Variants in BST1 observed in about 807,000 individuals in gnomAD.
BST1 encodes ADP-ribosyl cyclase/cyclic ADP-ribose hydrolase 2.
Under a neutral mutation model 40.6 loss-of-function variants are expected in BST1, and 49 were observed. That is an observed-to-expected ratio of 1.21 (90% confidence interval 0.96 to 1.53). The LOEUF is 1.53. BST1 is among the 40% of genes most tolerant of loss of function. BST1 has a pLI of 0.00. For synonymous variants in BST1, 157 were observed against 159.3 expected (o/e 0.99, Z 0.11); for missense variants, 423 against 395.9 (o/e 1.07, Z -0.58).
the BST1 span, among the ~76,000 whole-genome samples, chr4:15,757,990 T>A: frequency 6.6e-5 from 10 of 152,176 alleles, no homozygotes; most frequent in Non-Finnish European, 5.9e-5. Flanking sequence ...CCCAATAACA[T>A]CAGCATTTTT....
chr4:15,714,987 G>T (rs561068346), intron 4 of BST1, among the ~76,000 whole-genome samples: 1 of 152,290 alleles, frequency 6.6e-6, no homozygotes, highest in South Asian at 2.1e-4. Context: ...CAGTTTCGAG[G>T]TTCTTTGCTA....
chr4:15,756,564 A>G, the BST1 span, among the ~76,000 whole-genome samples: 1 of 152,238 alleles, frequency 6.6e-6, no homozygotes, highest in Admixed American at 6.5e-5. Context: ...GTTGAGAAAC[A>G]TTTTGACATA....
At chr4:15,722,634 T>C (rs1417003329) in intron 7 of BST1, among the ~76,000 whole-genome samples, 1 of 149,348 alleles carries the variant, frequency 6.7e-6, no homozygotes. Context: ...GGTCTCGCTA[T>C]GTTGCCCAGG....
chr4:15,723,737 A>G (rs544635138), intron 8 of BST1: 15 of 598,718 alleles, frequency 2.5e-5, no homozygotes, highest in Non-Finnish European at 3.1e-5. Flanking sequence ...ATGTGTGTGT[A>G]TTTTAAATTT....
chr4:15,715,162 T>C, intron 4 of BST1, 123 bp from the exon 5 acceptor site: 2 of 891,042 alleles, frequency 2.2e-6, no homozygotes, highest in Non-Finnish European at 3.5e-6. Context: ...CTAAGCCATA[T>C]GAAATGCCAC....
At chr4:15,768,655 G>C in the BST1 span, among the ~76,000 whole-genome samples, 9 of 151,824 alleles carry the variant, frequency 5.9e-5, no homozygotes, top group Admixed American at 2.0e-4. Context: ...CACCGCGCCC[G>C]GCTAATTTTT....
At chr4:15,754,676 C>T in the BST1 span, among the ~76,000 whole-genome samples, 4 of 152,284 alleles carry the variant, frequency 2.6e-5, no homozygotes, top group East Asian at 1.9e-4. Flanking sequence ...TCTTTCCCAG[C>T]GGTCCATTTT....
chr4:15,746,648 C>G, the BST1 span, among the ~76,000 whole-genome samples: 224 of 152,296 alleles, frequency 1.5e-3, 2 homozygotes, highest in Non-Finnish European at 2.5e-3. Context: ...GTTACTGTGA[C>G]AATTGAATCT....
At chr4:15,769,552 A>G in the BST1 span, among the ~76,000 whole-genome samples, 2 of 152,108 alleles carry the variant, frequency 1.3e-5, no homozygotes, top group Non-Finnish European at 2.9e-5. Context: ...TCAAAGAGCT[A>G]GTGGGGGTGG....
intron 1 of BST1, among the ~76,000 whole-genome samples, chr4:15,704,328 A>G (rs1472849336): frequency 1.8e-5 from 2 of 113,636 alleles, no homozygotes; most frequent in South Asian, 3.0e-4. Flanking sequence ...TAGAGGTGAG[A>G]TGTGTGTGTT....
chr4:15,706,910 T>C (rs1227414169), intron 2 of BST1, among the ~76,000 whole-genome samples: 1 of 152,240 alleles, frequency 6.6e-6, no homozygotes, highest in Non-Finnish European at 1.5e-5. Context: ...GGGGACCTTC[T>C]AGTCTAAATA....
chr4:15,740,003 G>T (rs1457763418), downstream of BST1, among the ~76,000 whole-genome samples: 1 of 152,168 alleles, frequency 6.6e-6, no homozygotes, highest in East Asian at 1.9e-4. Flanking sequence ...GATAAGGATA[G>T]AGAGAGACAG....
intron 6 of BST1, among the ~76,000 whole-genome samples, chr4:15,716,668 T>C (rs934004596): frequency 3.9e-5 from 6 of 152,260 alleles, no homozygotes; most frequent in Non-Finnish European, 1.5e-5. Context: ...ACGTAAGTTA[T>C]ACCAAGATCT....
chr4:15,737,483 C>T (rs1249139799), downstream of BST1, among the ~76,000 whole-genome samples: 1 of 152,186 alleles, frequency 6.6e-6, no homozygotes, highest in Non-Finnish European at 1.5e-5. Context: ...CAGCAGGGAG[C>T]CCTGGCAAAA....
At chr4:15,738,632 A>T (rs1393618190), downstream of BST1, among the ~76,000 whole-genome samples, 1 of 152,274 alleles carries the variant, frequency 6.6e-6, no homozygotes, top group Non-Finnish European at 1.5e-5. Context: ...ACCACACGTT[A>T]GCCAGCTGAT....
chr4:15,728,389 C>G (rs939561210), intron 8 of BST1, among the ~76,000 whole-genome samples: 2 of 151,134 alleles, frequency 1.3e-5, no homozygotes, highest in African/African-American at 4.9e-5. Flanking sequence ...ATAAGAACAG[C>G]TGTTGGATTA....
intron 1 of BST1, 30 bp from the exon 2 acceptor site, chr4:15,705,485 G>T (rs1719829642): frequency 1.3e-6 from 2 of 1,547,736 alleles, no homozygotes; most frequent in African/African-American, 1.4e-5. Flanking sequence ...GTGCATGTGT[G>T]TGTTCTTCCC....
chr4:15,738,673 C>G (rs753345028), downstream of BST1, among the ~76,000 whole-genome samples: 2 of 152,214 alleles, frequency 1.3e-5, no homozygotes, highest in African/African-American at 4.8e-5. Flanking sequence ...AGCTTCCACA[C>G]GATTGTTACA....
At chr4:15,707,855 C>CTCTCTCTA (rs544633858) in intron 3 of BST1, among the ~76,000 whole-genome samples, 3,004 of 128,038 alleles carry the variant, frequency 0.023, 50 homozygotes, top group African/African-American at 0.035. Context: ...CTCTCTCTCT[C>CTCTCTCTA]TATATATATA....
Sources: gnomAD v4.1 joint callset for allele counts (sites outside exome capture counted in the v4.1 genomes callset) on GRCh38, gnomAD v4.1.1 for gene constraint, MANE v1.5 for transcripts, NCBI Gene and HGNC (gene_info 2026-07-23, HGNC 2026-07-21) for gene names.